Variants in RFPL4A observed in about 807,000 individuals in gnomAD.
RFPL4A encodes ret finger protein-like 4A.
In RFPL4A, 4 loss-of-function variants were observed where a neutral mutation model predicts 8.3. The ratio of observed to expected loss-of-function variants is 0.48; its 90% confidence interval spans 0.24 to 1.10. The LOEUF is 1.10. Among genes scored for constraint, RFPL4A ranks in the 50% least tolerant of loss-of-function variants. The pLI is 0.18. For missense variants in RFPL4A, 111 were observed against 358.7 expected (o/e 0.31, Z 5.58); for synonymous variants, 43 against 136.6 (o/e 0.31, Z 4.78).
At chr19:55,760,896 T>A (rs111463620) in intron 1 of RFPL4A, among the ~76,000 whole-genome samples, 5,245 of 151,504 alleles carry the variant, frequency 0.035, 160 homozygotes, top group African/African-American at 0.046. Flanking sequence ...TGTTCCTCAG[T>A]ACTTGCTGGT....
chr19:55,761,119 A>T, intron 1 of RFPL4A, among the ~76,000 whole-genome samples: 1 of 126,930 alleles, frequency 7.9e-6, no homozygotes. Flanking sequence ...CAGAAGATTC[A>T]GTTTTACCTG....
chr19:55,759,957 A>G (rs924842248), intron 1 of RFPL4A, among the ~76,000 whole-genome samples: 3 of 151,452 alleles, frequency 2.0e-5, no homozygotes, highest in Non-Finnish European at 4.4e-5. Context: ...TCTCTCATAG[A>G]CTCTGGGGTT....
chr19:55,759,329 CAGTT>C (rs1374099697), intron 1 of RFPL4A, among the ~76,000 whole-genome samples, 154 bp downstream of exon 1: 1 of 152,078 alleles, frequency 6.6e-6, no homozygotes, highest in African/African-American at 2.4e-5. Flanking sequence ...TCCCTGGTAA[CAGTT>C]AGGTAAGTCT....
chr19:55,759,572 C>T (rs1420695926), intron 1 of RFPL4A, among the ~76,000 whole-genome samples: 1 of 150,734 alleles, frequency 6.6e-6, no homozygotes, highest in African/African-American at 2.5e-5. Flanking sequence ...GTTTTTTGTT[C>T]CTTTTAATTC....
At position 55,761,928 on chromosome 19, in the gene RFPL4A, A is replaced by C; in HGVS notation, c.128A>C (p.Asp43Ala). 7 of 1,512,950 alleles carry C rather than the reference A, an allele frequency of 4.6e-6. No homozygotes were observed. The highest frequency in any genetic ancestry group is 6.3e-6 in the Non-Finnish European group (7 of 1,117,556). 93.7% of individuals were successfully genotyped at this position (1,512,950 alleles called of 1,614,324 possible). The change falls in exon 2 of 3, where the codon GAT becomes GCT. Residue 43 changes from aspartate to alanine, a missense_variant. Transcript: ENST00000434937. ...QCLNSLQKEPDGEGLLCRFCS... is the reference protein window; with the variant it reads ...QCLNSLQKEPAGEGLLCRFCS... ...CTCAATTCACTCCAGAAGGAGCCCG[A>C]TGGGGAAGGTTTACTGTGCCGTTTC...
intron 1 of RFPL4A, among the ~76,000 whole-genome samples, chr19:55,760,975 C>T (rs1162738283): frequency 6.8e-6 from 1 of 146,460 alleles, no homozygotes; most frequent in Non-Finnish European, 1.5e-5. Context: ...ATTATTTTGG[C>T]TTTTTTTTCT....
Position 55,761,667 on chromosome 19 carries a change from G to A in RFPL4A, c.-9-125G>A, listed in dbSNP as rs930874225. ...TATTCATGTTGTGTCTTCGTCACTA[G>A]CAGTAGTGATTTTAAGTGTCGTGCT... On this transcript the variant is annotated intron_variant, in intron 1 of 2. Transcript: ENST00000434937. 85 of 1,404,298 alleles carry A rather than the reference G, an allele frequency of 6.1e-5. 6 individuals carry two copies. The highest frequency in any genetic ancestry group is 7.6e-5 in the Non-Finnish European group (79 of 1,036,378). The allele number at this position is 1,404,298 out of a possible 1,614,324, so 87.0% of individuals were successfully genotyped here.
chr19:55,760,204 G>A (rs368542968), intron 1 of RFPL4A, among the ~76,000 whole-genome samples: 30 of 151,608 alleles, frequency 2.0e-4, no homozygotes, highest in Non-Finnish European at 2.2e-4. Flanking sequence ...ACCAACACTT[G>A]TCTTTTGTCT....
At chr19:55,760,984 C>T in intron 1 of RFPL4A, among the ~76,000 whole-genome samples, 1 of 146,060 alleles carries the variant, frequency 6.8e-6, no homozygotes, top group Non-Finnish European at 1.5e-5. Context: ...GCTTTTTTTT[C>T]TTTTTGCTAC....
chr19:55,757,338 C>T (rs972844140), upstream of RFPL4A, among the ~76,000 whole-genome samples: 1 of 151,406 alleles, frequency 6.6e-6, no homozygotes, highest in African/African-American at 2.4e-5. Flanking sequence ...CAAACCTGCA[C>T]GTTCTGCACA....
chr19:55,763,225 C>T lies in RFPL4A; in HGVS notation c.*50C>T. On this transcript the variant is annotated 3_prime_UTR_variant, in exon 3 of 3. Transcript: ENST00000434937. ...TTAGGAAGTTTCAGTGCTCCCATAG[C>T]CATAGCTAAGAACTTTTCCGCTAGA... The T allele has an allele frequency of 2.1e-6, 3 of 1,452,346 alleles. No homozygotes were observed. Among genetic ancestry groups the T allele is most frequent in the Non-Finnish European group, 1.9e-6 (2 of 1,068,756 alleles). The allele number at this position is 1,452,346 out of a possible 1,614,324, so 90.0% of individuals were successfully genotyped here.
chr19:55,758,417 CTATAA>C (rs1292473415), upstream of RFPL4A, among the ~76,000 whole-genome samples: 22 of 152,150 alleles, frequency 1.4e-4, no homozygotes, highest in Admixed American at 4.6e-4. Context: ...CTCTGATCAC[CTATAA>C]TATATTTAAT....
upstream of RFPL4A, among the ~76,000 whole-genome samples, chr19:55,758,356 T>A (rs1224951172): frequency 1.3e-5 from 2 of 152,364 alleles, no homozygotes; most frequent in Non-Finnish European, 2.9e-5. Flanking sequence ...TGTAATCAAA[T>A]CCTTTCCCAC....
chr19:55,758,323 G>T (rs1374187056), upstream of RFPL4A, among the ~76,000 whole-genome samples: 2,205 of 150,648 alleles, frequency 0.015, no homozygotes, highest in African/African-American at 0.052. Flanking sequence ...TTAAATTAAA[G>T]ACTATTAATT....
intron 1 of RFPL4A, among the ~76,000 whole-genome samples, chr19:55,760,869 G>A (rs1399578640): frequency 6.6e-6 from 1 of 151,412 alleles, no homozygotes; most frequent in Non-Finnish European, 1.5e-5. Flanking sequence ...TTCTCTGATG[G>A]TGAGTGAGGT....
At chr19:55,759,991 C>T (rs56313569) in intron 1 of RFPL4A, among the ~76,000 whole-genome samples, 2,382 of 151,722 alleles carry the variant, frequency 0.016, 91 homozygotes, top group African/African-American at 0.054. Flanking sequence ...TTGTGAATAA[C>T]GCTGCAGAGA....
Position 55,760,916 on chromosome 19 carries a change from G to A in RFPL4A, c.-9-876G>A, listed in dbSNP as rs555692637. 4.0e-5 allele frequency among the ~76,000 whole-genome samples: 6 copies of A among 151,206 alleles called. 1 individual carries two copies. Among genetic ancestry groups the A allele is most frequent in the African/African-American group, 1.5e-4 (6 of 41,078 alleles). Reference sequence around the variant, plus strand: ...CTCAGTACTTGCTGGTCGTTGGTGTGTGCTTTTCAGAGAAATATCTATTCA... The same window carrying A: ...CTCAGTACTTGCTGGTCGTTGGTGTATGCTTTTCAGAGAAATATCTATTCA... On this transcript the variant is annotated intron_variant, in intron 1 of 2. Coordinates refer to ENST00000434937, the MANE Select transcript of RFPL4A (RefSeq NM_001145014.2).
At chr19:55,760,625 T>C (rs1448586934) in intron 1 of RFPL4A, among the ~76,000 whole-genome samples, 2 of 151,510 alleles carry the variant, frequency 1.3e-5, no homozygotes, top group Non-Finnish European at 2.9e-5. Context: ...CTGCAGAATG[T>C]GTGATTTAGT....
chr19:55,760,439 C>G (rs1213849673), intron 1 of RFPL4A, among the ~76,000 whole-genome samples: 2 of 151,432 alleles, frequency 1.3e-5, no homozygotes. Context: ...GAAGTGTGGG[C>G]GTGATTCTGA....
Sources: allele counts gnomAD v4.1 joint callset (sites outside exome capture counted in the v4.1 genomes callset), GRCh38; gene constraint gnomAD v4.1.1; transcripts MANE v1.5; gene names NCBI Gene and HGNC (gene_info 2026-07-23, HGNC 2026-07-21).